The following MYO1D variants were observed in gnomAD, a reference collection of about 807,000 sequenced individuals.
The protein encoded by MYO1D is unconventional myosin-Id.
Under a neutral mutation model 122.0 loss-of-function variants are expected in MYO1D, and 83 were observed. That is an observed-to-expected ratio of 0.68 (90% CI 0.57 to 0.82). The LOEUF is 0.82. Among genes scored for constraint, MYO1D ranks in the 40% least tolerant of loss-of-function variants. The pLI, the probability that MYO1D is intolerant of heterozygous loss-of-function variation, is 0.00. For missense variants in MYO1D, 1,157 were observed against 1,269.5 expected (o/e 0.91, Z 1.35); for synonymous variants, 464 against 446.9 (o/e 1.04, Z -0.48).
At chr17:32,689,750 G>A (rs893128724) in intron 16 of MYO1D, among the ~76,000 whole-genome samples, 2 of 150,718 alleles carry the variant, frequency 1.3e-5, no homozygotes, top group East Asian at 1.9e-4. Flanking sequence ...ATGGAGTCTC[G>A]CTCTGTTGCC....
rs763176219 is a variant in MYO1D at position 32,712,172 on chromosome 17, G to A, written c.1937C>T (p.Thr646Ile). The part of the protein sequence containing the change: ...LHRYKMISEF[T>I]WPNHDLPSDK... ...TGAAGGAAGGTCATGGTTGGGCCAG[G>A]TGAATTCAGAGATCATCTTATACCT... Residue 646 changes from threonine (T) to isoleucine (I), a missense_variant, in exon 16 of 22, where the codon ACC becomes ATC. By Grantham distance (89) the Thr-to-Ile change is moderately conservative. Coordinates refer to ENST00000318217, the MANE Select transcript of MYO1D (RefSeq NM_015194.3). 3.7e-6 allele frequency: 6 copies of A among 1,613,634 alleles called. No individual in the cohort carries two copies. Among genetic ancestry groups the A allele is most frequent in the Non-Finnish European group, 5.1e-6 (6 of 1,179,746 alleles).
chr17:32,568,053 GTCACGCAAAC>G (rs139257055), intron 21 of MYO1D, among the ~76,000 whole-genome samples: 3,531 of 152,236 alleles, frequency 0.023, 70 homozygotes, highest in Middle Eastern at 0.072. Context: ...CTAGAAAAAG[GTCACGCAAAC>G]TTCTGCACCA....
At chr17:32,684,817 T>G (rs2150969732) in intron 16 of MYO1D, among the ~76,000 whole-genome samples, 1 of 152,344 alleles carries the variant, frequency 6.6e-6, no homozygotes, top group South Asian at 2.1e-4. Context: ...AATTTGCCAA[T>G]GAACAACTTG....
intron 21 of MYO1D, among the ~76,000 whole-genome samples, chr17:32,569,708 T>C (rs974894546): frequency 1.6e-4 from 24 of 152,212 alleles, no homozygotes; most frequent in African/African-American, 5.8e-4. Flanking sequence ...AATCTGAATT[T>C]CCAGTTGCTT....
At chr17:32,678,176 C>A (rs938948814) in intron 16 of MYO1D, among the ~76,000 whole-genome samples, 1 of 151,836 alleles carries the variant, frequency 6.6e-6, no homozygotes, top group African/African-American at 2.4e-5. Context: ...AGGGTTAAAT[C>A]CTTCATATCT....
chr17:32,550,598 T>C (rs966378375), intron 21 of MYO1D, among the ~76,000 whole-genome samples: 37 of 152,330 alleles, frequency 2.4e-4, no homozygotes, highest in African/African-American at 8.4e-4. Flanking sequence ...CATGTCTTCA[T>C]TCTTTGTAGA....
At chr17:32,820,672 G>T (rs939950919) in intron 1 of MYO1D, among the ~76,000 whole-genome samples, 2 of 152,130 alleles carry the variant, frequency 1.3e-5, no homozygotes, top group African/African-American at 4.8e-5. Flanking sequence ...TGGCGGACAT[G>T]GAGAGATATT....
intron 1 of MYO1D, among the ~76,000 whole-genome samples, chr17:32,822,919 C>A (rs2090687710): frequency 6.6e-6 from 1 of 152,078 alleles, no homozygotes; most frequent in Non-Finnish European, 1.5e-5. Flanking sequence ...CAACATGGCA[C>A]ATGTATACAT....
At chr17:32,666,171 C>A (rs1404449871) in intron 16 of MYO1D, among the ~76,000 whole-genome samples, 1 of 152,158 alleles carries the variant, frequency 6.6e-6, no homozygotes, top group East Asian at 1.9e-4. Context: ...TTTTAACCAA[C>A]CTCCTCTGTC....
At chr17:32,738,604 T>C (rs2089736429) in intron 13 of MYO1D, among the ~76,000 whole-genome samples, 1 of 152,224 alleles carries the variant, frequency 6.6e-6, no homozygotes, top group African/African-American at 2.4e-5. Flanking sequence ...AACTATAGCA[T>C]ATTTTAAAAA....
chr17:32,724,020 T>C (rs1296966690), intron 14 of MYO1D, among the ~76,000 whole-genome samples: 2 of 152,170 alleles, frequency 1.3e-5, no homozygotes, highest in Non-Finnish European at 2.9e-5. Flanking sequence ...TCTGTAATGA[T>C]TTTCAAGTGG....
intron 1 of MYO1D, among the ~76,000 whole-genome samples, chr17:32,869,118 C>T (rs937524380): frequency 1.3e-5 from 2 of 151,730 alleles, no homozygotes; most frequent in African/African-American, 4.8e-5. Flanking sequence ...ACTAGGGAGG[C>T]TGAGGCATGA....
chr17:32,770,032 T>C (rs1395527322), intron 6 of MYO1D, among the ~76,000 whole-genome samples: 1 of 152,198 alleles, frequency 6.6e-6, no homozygotes, highest in East Asian at 1.9e-4. Context: ...CTCAGAGAGG[T>C]GGAGTGTTGC....
chr17:32,817,428 A>G (rs577293430), intron 1 of MYO1D, among the ~76,000 whole-genome samples: 117 of 152,336 alleles, frequency 7.7e-4, no homozygotes, highest in Middle Eastern at 6.8e-3. Flanking sequence ...CAGTAATAAA[A>G]TGCATATACA....
chr17:32,732,070 A>G (rs1488236563), intron 14 of MYO1D, among the ~76,000 whole-genome samples: 3 of 152,236 alleles, frequency 2.0e-5, no homozygotes, highest in Non-Finnish European at 4.4e-5. Flanking sequence ...CTGATATGCC[A>G]GCCCCCTGCT....
rs1424306873 is a variant in MYO1D at position 32,778,365 on chromosome 17, C to T, written c.398+115G>A. ...AAAGTAGCTTAATCATCAAAAAATG[C>T]TCAGCCCATAGGTTTAGACCCCCAA... On this transcript the variant is annotated intron_variant, in intron 3 of 21. Coordinates refer to ENST00000318217, the MANE Select transcript of MYO1D (RefSeq NM_015194.3). The T allele has an allele frequency of 5.0e-6, 4 of 798,892 alleles. No homozygotes were observed. The African/African-American group carries it at 6.8e-5, about 14-fold the overall frequency. 49.5% of individuals were successfully genotyped at this position (798,892 alleles called of 1,614,324 possible).
rs779852174 is a variant in MYO1D, at chr17:32,760,322, C to T, written c.1264G>A (p.Glu422Lys). The T allele has an allele frequency of 1.2e-6, 2 of 1,612,110 alleles. No individual in the cohort carries two copies. Among genetic ancestry groups the T allele is most frequent in the South Asian group, 1.1e-5 (1 of 90,782 alleles). The change falls in exon 10 of 22, where the codon GAA becomes AAA. Residue 422 changes from glutamate (E) to lysine (K), a missense_variant. Coordinates refer to ENST00000318217, the MANE Select transcript of MYO1D (RefSeq NM_015194.3). The part of the protein sequence containing the change: ...IQLVLKQEQE[E>K]YQREGIPWKH... ...CAGGGGATCCCTTCCCGCTGGTATTCCTCTTGTTCTTGCTTCAGAACCAGC... is the reference window on the plus strand; with the variant it reads ...CAGGGGATCCCTTCCCGCTGGTATTTCTCTTGTTCTTGCTTCAGAACCAGC...
At chr17:32,509,678 T>C (rs923763802) in intron 21 of MYO1D, among the ~76,000 whole-genome samples, 3 of 152,056 alleles carry the variant, frequency 2.0e-5, no homozygotes, top group African/African-American at 7.2e-5. Context: ...AACCTCCGCC[T>C]CCCAGGTTCA....
At chr17:32,690,166 C>T (rs1008785188) in intron 16 of MYO1D, among the ~76,000 whole-genome samples, 8 of 151,014 alleles carry the variant, frequency 5.3e-5, no homozygotes, top group African/African-American at 1.5e-4. Context: ...TTGGGGTATC[C>T]GTTCCCTTGA....
Sources: allele counts gnomAD v4.1 joint callset (sites outside exome capture counted in the v4.1 genomes callset), GRCh38; gene constraint gnomAD v4.1.1; transcripts MANE v1.5; gene names NCBI Gene and HGNC (gene_info 2026-07-23, HGNC 2026-07-21).